Variants in DPP10 observed in about 807,000 individuals in gnomAD.
DPP10 encodes the protein inactive dipeptidyl peptidase 10.
In DPP10, 33 loss-of-function variants were observed where a neutral mutation model predicts 120.9. The ratio of observed to expected loss-of-function variants is 0.27; its 90% CI spans 0.21 to 0.37. The LOEUF (loss-of-function observed/expected upper bound fraction) is 0.37, where lower values mean the gene tolerates loss of function less well. Among genes scored for constraint, DPP10 ranks in the 10% least tolerant of loss-of-function variants. The pLI, the probability that DPP10 is intolerant of heterozygous loss-of-function variation, is 1.00. For missense variants in DPP10, 816 were observed against 942.8 expected (o/e 0.87, Z 1.76); for synonymous variants, 337 against 326.1 (o/e 1.03, Z -0.36).
At chr2:115,389,331 A>G (rs79006344) in intron 3 of DPP10, among the ~76,000 whole-genome samples, 34 of 151,690 alleles carry the variant, frequency 2.2e-4, no homozygotes, top group Non-Finnish European at 3.8e-4. Flanking sequence ...TTCAATTTGA[A>G]CTACATGTGG....
intron 5 of DPP10, among the ~76,000 whole-genome samples, chr2:115,684,900 C>A (rs985295316): frequency 6.6e-6 from 1 of 151,956 alleles, no homozygotes; most frequent in Non-Finnish European, 1.5e-5. Flanking sequence ...ATATTTCCAT[C>A]AATAGATCTT....
rs182720187 is a variant in DPP10, at chr2:114,832,458, C to A, written c.60+389620C>A. Reference sequence around the variant, plus strand: ...GCTGAGGCAGGAGAAATGCTTGAATCCAAGAGTTCGAGGTTGCAGTGAGCC... The same window carrying A: ...GCTGAGGCAGGAGAAATGCTTGAATACAAGAGTTCGAGGTTGCAGTGAGCC... On this transcript the variant is annotated intron_variant, in intron 1 of 25. Transcript: ENST00000410059. 3.0e-3 allele frequency among the ~76,000 whole-genome samples: 463 copies of A among 152,292 alleles called. 2 individuals are homozygous for A. The highest frequency in any genetic ancestry group is 5.4e-3 in the Non-Finnish European group (368 of 68,018).
rs551572942 is a variant in DPP10, at chr2:114,877,590, G to A, written c.61-431649G>A. 2.1e-4 allele frequency among the ~76,000 whole-genome samples: 32 copies of A among 152,112 alleles called. No individual in the cohort carries two copies. The South Asian group carries it at 6.2e-3, about 30-fold the overall frequency. On this transcript the variant is annotated intron_variant, in intron 1 of 25. Transcript: ENST00000410059. ...TGTTTATGGCCAACAGTGAACGGCGGACACACACAATGCCCCTGTCTCTAT... is the reference window on the plus strand; with the variant it reads ...TGTTTATGGCCAACAGTGAACGGCGAACACACACAATGCCCCTGTCTCTAT...
chr2:115,313,839 T>G (rs1217789901), intron 2 of DPP10, among the ~76,000 whole-genome samples: 12 of 152,216 alleles, frequency 7.9e-5, no homozygotes, highest in Admixed American at 5.2e-4. Flanking sequence ...CATTCCATTT[T>G]TTTAATTACA....
chr2:115,177,470 A>G (rs1355226090), intron 1 of DPP10, among the ~76,000 whole-genome samples: 1 of 152,146 alleles, frequency 6.6e-6, no homozygotes, highest in Admixed American at 6.5e-5. Context: ...AAAACACACA[A>G]TCTTCTTTAA....
At chr2:115,497,256 G>A (rs2076447316) in intron 3 of DPP10, among the ~76,000 whole-genome samples, 1 of 152,038 alleles carries the variant, frequency 6.6e-6, no homozygotes, top group Non-Finnish European at 1.5e-5. Context: ...CCCTGAACGA[G>A]GAGGGGATGA....
intron 1 of DPP10, among the ~76,000 whole-genome samples, chr2:114,777,381 C>G (rs1681851136): frequency 6.6e-6 from 1 of 152,124 alleles, no homozygotes; most frequent in African/African-American, 2.4e-5. Flanking sequence ...TACCCACATA[C>G]ATTTCTGAAG....
chr2:115,630,830 T>A (rs552809100), intron 5 of DPP10, among the ~76,000 whole-genome samples: 1 of 152,158 alleles, frequency 6.6e-6, no homozygotes, highest in Non-Finnish European at 1.5e-5. Flanking sequence ...GATTTTTGCA[T>A]TGATGTTTGT....
chr2:115,205,697 G>A (rs187379426), intron 1 of DPP10, among the ~76,000 whole-genome samples: 165 of 152,224 alleles, frequency 1.1e-3, no homozygotes, highest in Admixed American at 2.8e-3. Flanking sequence ...TTATGCGGCC[G>A]TAAAAAAGAA....
chr2:115,302,980 A>G (rs1024636549), intron 1 of DPP10, among the ~76,000 whole-genome samples: 3 of 152,014 alleles, frequency 2.0e-5, no homozygotes, highest in Non-Finnish European at 4.4e-5. Context: ...CTCTATGATT[A>G]TATTTTCTTT....
chr2:115,345,149 C>T (rs1340337533), intron 3 of DPP10, among the ~76,000 whole-genome samples: 1 of 152,086 alleles, frequency 6.6e-6, no homozygotes, highest in African/African-American at 2.4e-5. Context: ...TTCACATAAA[C>T]TTAAATTTTA....
At chr2:114,866,852 C>A (rs1690279562) in intron 1 of DPP10, among the ~76,000 whole-genome samples, 1 of 152,136 alleles carries the variant, frequency 6.6e-6, no homozygotes, top group South Asian at 2.1e-4. Context: ...CTGGAGAACC[C>A]CCTCAAGTAT....
At chr2:114,600,624 C>T (rs1573762046) in intron 1 of DPP10, among the ~76,000 whole-genome samples, 1 of 151,818 alleles carries the variant, frequency 6.6e-6, no homozygotes, top group South Asian at 2.1e-4. Context: ...TTTGACTTGA[C>T]ACAGCTACAA....
intron 5 of DPP10, among the ~76,000 whole-genome samples, chr2:115,564,888 G>A (rs1358140879): frequency 6.6e-5 from 10 of 152,142 alleles, no homozygotes. Context: ...GGAAGAGCTG[G>A]AGGTCTGGAG....
At chr2:114,715,238 T>A (rs766849992) in intron 1 of DPP10, among the ~76,000 whole-genome samples, 1 of 152,196 alleles carries the variant, frequency 6.6e-6, no homozygotes, top group Non-Finnish European at 1.5e-5. Context: ...GAAAATGTCC[T>A]CTAGTGGAAA....
At chr2:115,803,723 G>T (rs1173821902) in intron 19 of DPP10, among the ~76,000 whole-genome samples, 1 of 152,176 alleles carries the variant, frequency 6.6e-6, no homozygotes, top group Non-Finnish European at 1.5e-5. Flanking sequence ...ATTCTGGGTT[G>T]AAAATGCTTT....
chr2:114,968,091 T>A (rs1056832214), intron 1 of DPP10, among the ~76,000 whole-genome samples: 2 of 152,180 alleles, frequency 1.3e-5, no homozygotes, highest in African/African-American at 4.8e-5. Context: ...ATGTTCTACT[T>A]TTCCTCAAAA....
chr2:114,663,739 G>A (rs1412360573), intron 1 of DPP10, among the ~76,000 whole-genome samples: 1 of 148,378 alleles, frequency 6.7e-6, no homozygotes, highest in African/African-American at 2.5e-5. Flanking sequence ...CTACTTGGAT[G>A]CAACTCCCAG....
At chr2:114,894,140 T>C (rs895582618) in intron 1 of DPP10, among the ~76,000 whole-genome samples, 2 of 152,236 alleles carry the variant, frequency 1.3e-5, no homozygotes. Context: ...TGCTGCTATG[T>C]GGCAAGTTTT....
Sources: gnomAD v4.1 joint callset for allele counts (sites outside exome capture counted in the v4.1 genomes callset) on GRCh38, gnomAD v4.1.1 for gene constraint, MANE v1.5 for transcripts, NCBI Gene and HGNC (gene_info 2026-07-23, HGNC 2026-07-21) for gene names.